Variants in RAPGEF6 observed in about 807,000 individuals in gnomAD.
RAPGEF6 encodes the protein PDZ domain containing guanine nucleotide exchange factor (GEF) 2.
In RAPGEF6, 56 loss-of-function variants were observed where a neutral mutation model predicts 171.4. The observed-to-expected ratio is 0.33, with a 90% CI of 0.26 to 0.41. The LOEUF (loss-of-function observed/expected upper bound fraction) is 0.41. Among genes scored for constraint, RAPGEF6 ranks in the 10% least tolerant of loss-of-function variants. The pLI is 1.00. For synonymous variants in RAPGEF6, 692 were observed against 650.1 expected, an observed-to-expected ratio of 1.06 and a Z score of -0.98; for missense variants, 1,674 against 1,921.4, an observed-to-expected ratio of 0.87 and a Z score of 2.41.
intron 1 of RAPGEF6, among the ~76,000 whole-genome samples, chr5:131,611,098 G>A (rs1393871132): frequency 1.3e-5 from 2 of 152,192 alleles, no homozygotes; most frequent in African/African-American, 4.8e-5. Flanking sequence ...CTAAACCACT[G>A]TTACAGTGCA....
At chr5:131,606,029 C>CAAAAAAAAA (rs1168486376) in intron 1 of RAPGEF6, among the ~76,000 whole-genome samples, 28 of 70,544 alleles carry the variant, frequency 4.0e-4, no homozygotes, top group African/African-American at 9.6e-4. Context: ...GACTCCATCT[C>CAAAAAAAAA]AAAAAAAAAA....
intron 7 of RAPGEF6, among the ~76,000 whole-genome samples, chr5:131,511,828 C>A (rs1757749516): frequency 2.6e-5 from 4 of 152,124 alleles, no homozygotes. Flanking sequence ...GACTACCTTT[C>A]CTCTCCATCT....
chr5:131,498,782 C>T (rs1330049415), intron 11 of RAPGEF6, among the ~76,000 whole-genome samples, 175 bp from the exon 12 acceptor site: 1 of 152,164 alleles, frequency 6.6e-6, no homozygotes, highest in Non-Finnish European at 1.5e-5. Flanking sequence ...TTGTAATCCA[C>T]CAGCACCCAG....
At chr5:131,533,004 T>C (rs1182960617) in intron 6 of RAPGEF6, 3 of 152,574 alleles carry the variant, frequency 2.0e-5, no homozygotes, top group East Asian at 1.9e-4. Context: ...CTATTGATTC[T>C]ATGCTCTGCA....
At chr5:131,554,594 G>A (rs1255514001) in intron 5 of RAPGEF6, among the ~76,000 whole-genome samples, 3 of 151,998 alleles carry the variant, frequency 2.0e-5, no homozygotes, top group Non-Finnish European at 4.4e-5. Flanking sequence ...ATCTTGGCTC[G>A]CTGCAACCTC....
chr5:131,506,350 T>C (rs1329129779), intron 9 of RAPGEF6, among the ~76,000 whole-genome samples: 2 of 152,200 alleles, frequency 1.3e-5, no homozygotes, highest in Non-Finnish European at 2.9e-5. Context: ...TTCCCCAGGC[T>C]GGTCTTGAAT....
intron 3 of RAPGEF6, among the ~76,000 whole-genome samples, chr5:131,601,729 T>C (rs1408202639): frequency 2.0e-5 from 3 of 152,046 alleles, no homozygotes; most frequent in Non-Finnish European, 4.4e-5. Context: ...ACACAGCTAA[T>C]GGTTATTAAA....
intron 1 of RAPGEF6, among the ~76,000 whole-genome samples, chr5:131,618,678 A>C (rs998179198): frequency 2.0e-5 from 3 of 152,242 alleles, no homozygotes; most frequent in African/African-American, 7.2e-5. Context: ...GTAACAGCAA[A>C]GTAATAGTTA....
intron 4 of RAPGEF6, among the ~76,000 whole-genome samples, chr5:131,586,972 G>T (rs1230515793): frequency 6.6e-6 from 1 of 152,226 alleles, no homozygotes; most frequent in Admixed American, 6.5e-5. Context: ...AGCCACAGAA[G>T]TCTGTGCCCT....
At chr5:131,441,879 T>C (rs1214196385) in intron 23 of RAPGEF6, among the ~76,000 whole-genome samples, 1 of 152,156 alleles carries the variant, frequency 6.6e-6, no homozygotes, top group Non-Finnish European at 1.5e-5. Context: ...ATAATGACTA[T>C]ATGGCCTAAC....
At chr5:131,583,009 G>A (rs1763055702) in intron 4 of RAPGEF6, among the ~76,000 whole-genome samples, 1 of 152,220 alleles carries the variant, frequency 6.6e-6, no homozygotes, top group Admixed American at 6.5e-5. Flanking sequence ...TATGCAGAGA[G>A]ATGAAAGTAT....
rs897613310 is a variant in RAPGEF6, at chr5:131,433,523, G to A, written c.3881C>T (p.Ser1294Phe). The A allele has an allele frequency of 1.9e-6, 3 of 1,613,860 alleles. No homozygotes were observed. The highest frequency in any genetic ancestry group is 2.5e-6 in the Non-Finnish European group (3 of 1,179,742). The change falls in exon 25 of 28, where the codon TCC (serine) becomes TTC (phenylalanine). Residue 1294 changes from serine (S) to phenylalanine (F), a missense_variant. By Grantham distance (155) the Ser-to-Phe change is radical (BLOSUM62 -2). Transcript: ENST00000509018. ...TTCAGGGACTGCCAGGGCCTGAGAG[G>A]AACACCGTTCATCCTGTAGAGCTGC... ...MSAALQDERC[S>F]SQALAVPEST... is the part of the protein sequence containing the mutation.
At chr5:131,440,644 A>T (rs1010877859) in intron 23 of RAPGEF6, among the ~76,000 whole-genome samples, 1 of 150,606 alleles carries the variant, frequency 6.6e-6, no homozygotes, top group South Asian at 2.1e-4. Context: ...AGGCTGAGGC[A>T]TAAGAATTGC....
At chr5:131,620,420 T>C (rs1561613963) in intron 1 of RAPGEF6, among the ~76,000 whole-genome samples, 1 of 152,266 alleles carries the variant, frequency 6.6e-6, no homozygotes, top group Non-Finnish European at 1.5e-5. Flanking sequence ...AATTCATTAC[T>C]GGTTCCCTAA....
At chr5:131,528,338 TACACACACAC>T (rs372339216) in intron 6 of RAPGEF6, among the ~76,000 whole-genome samples, 6 of 26,228 alleles carry the variant, frequency 2.3e-4, no homozygotes, top group African/African-American at 3.6e-4. Flanking sequence ...TATATATATA[TACACACACAC>T]ACACATATAT....
At chr5:131,505,548 G>C in intron 9 of RAPGEF6, 26 bp from the exon 10 acceptor site, 1 of 1,585,904 alleles carries the variant, frequency 6.3e-7, no homozygotes, top group Non-Finnish European at 8.6e-7. Context: ...AAGGTTTTAT[G>C]AATCTTTTTA....
At chr5:131,504,430 C>T (rs984786752) in intron 11 of RAPGEF6, among the ~76,000 whole-genome samples, 196 bp downstream of exon 11, 2 of 151,546 alleles carry the variant, frequency 1.3e-5, no homozygotes, top group Non-Finnish European at 2.9e-5. Flanking sequence ...CTATTGCACT[C>T]CAGCCTGGGC....
chr5:131,471,823 T>C (rs1309104632), intron 17 of RAPGEF6, among the ~76,000 whole-genome samples: 1 of 152,112 alleles, frequency 6.6e-6, no homozygotes, highest in Non-Finnish European at 1.5e-5. Context: ...TAACAATACA[T>C]GACAAATACA....
intron 4 of RAPGEF6, among the ~76,000 whole-genome samples, chr5:131,563,381 G>A (rs1028689811): frequency 4.6e-4 from 70 of 152,278 alleles, no homozygotes; most frequent in Middle Eastern, 3.4e-3. Context: ...ACTTTTATGG[G>A]AAGGTTAAAT....
Sources: gnomAD v4.1 joint callset for allele counts (sites outside exome capture counted in the v4.1 genomes callset) on GRCh38, gnomAD v4.1.1 for gene constraint, MANE v1.5 for transcripts, NCBI Gene and HGNC (gene_info 2026-07-23, HGNC 2026-07-21) for gene names.